The following RANBP2 variants were observed in gnomAD, a reference collection of about 807,000 sequenced individuals.
RANBP2 encodes E3 SUMO-protein ligase RanBP2.
A neutral mutation model predicts 303.6 loss-of-function variants in RANBP2; 57 were observed. The observed-to-expected ratio is 0.19, with a 90% CI of 0.15 to 0.23. RANBP2 has a LOEUF of 0.23. Among genes scored for constraint, RANBP2 ranks in the 10% least tolerant of loss-of-function variants. The probability of loss-of-function intolerance (pLI) is 1.00; values close to 1 mark genes in which losing one functional copy is unlikely to be tolerated. For missense variants in RANBP2, 3,138 were observed against 3,780.8 expected (o/e 0.83, Z 4.46); for synonymous variants, 1,167 against 1,301.5 (o/e 0.90, Z 2.23).
chr2:109,686,101 A>C, the RANBP2 span, among the ~76,000 whole-genome samples: 12 of 152,110 alleles, frequency 7.9e-5, no homozygotes, highest in East Asian at 2.3e-3. Flanking sequence ...TTTAGTTTTT[A>C]GGTGGTTTCG....
the RANBP2 span, among the ~76,000 whole-genome samples, chr2:109,630,978 AC>A: frequency 1.3e-5 from 2 of 152,146 alleles, no homozygotes; most frequent in East Asian, 3.9e-4. Context: ...AGGCAGGAGA[AC>A]CACTTGAACC....
chr2:109,384,596 G>C, the RANBP2 span, among the ~76,000 whole-genome samples: 5 of 152,226 alleles, frequency 3.3e-5, no homozygotes, highest in South Asian at 1.0e-3. Flanking sequence ...TGGGTCTGGG[G>C]TCTCTCTTCC....
chr2:109,265,505 C>G, the RANBP2 span, among the ~76,000 whole-genome samples: 1 of 152,220 alleles, frequency 6.6e-6, no homozygotes, highest in African/African-American at 2.4e-5. Flanking sequence ...CTGCTGCCCA[C>G]CCTTAGGCTG....
the RANBP2 span, among the ~76,000 whole-genome samples, chr2:109,449,997 T>C: frequency 6.6e-6 from 1 of 152,204 alleles, no homozygotes; most frequent in African/African-American, 2.4e-5. Flanking sequence ...AATGCTGACC[T>C]GATGGCTGGT....
chr2:109,066,945 C>A, the RANBP2 span, among the ~76,000 whole-genome samples: 1 of 152,122 alleles, frequency 6.6e-6, no homozygotes, highest in Non-Finnish European at 1.5e-5. Context: ...CCTTTCAACA[C>A]GTTGATACTC....
the RANBP2 span, among the ~76,000 whole-genome samples, chr2:109,452,004 T>C: frequency 6.6e-6 from 1 of 152,262 alleles, no homozygotes; most frequent in African/African-American, 2.4e-5. Context: ...CCACACATTG[T>C]GTGTGCTTTT....
chr2:109,411,332 T>C, the RANBP2 span, among the ~76,000 whole-genome samples: 29 of 152,352 alleles, frequency 1.9e-4, no homozygotes, highest in Non-Finnish European at 1.6e-4. Flanking sequence ...CCCCTTTCCC[T>C]GCAGTTAGTT....
chr2:109,116,143 C>A, the RANBP2 span, among the ~76,000 whole-genome samples: 1 of 152,032 alleles, frequency 6.6e-6, no homozygotes, highest in Non-Finnish European at 1.5e-5. Flanking sequence ...ATCTTTGTGG[C>A]GTTCTCTGTA....
chr2:109,199,597 T>TC, the RANBP2 span, among the ~76,000 whole-genome samples: 9 of 272 alleles, frequency 0.033, no homozygotes, highest in South Asian at 0.25. Context: ...TGGAATGGAA[T>TC]GGAATGGAAT....
At chr2:109,542,911 A>T in the RANBP2 span, 46 of 152,732 alleles carry the variant, frequency 3.0e-4, no homozygotes, top group African/African-American at 1.1e-3. Flanking sequence ...CCTCATCTCC[A>T]AAATAATTCA....
At position 108,765,265 on chromosome 2, in the gene RANBP2, A is replaced by T. The variant is rs74821091; in HGVS notation, c.4726A>T (p.Thr1576Ser). Residue 1576 changes from threonine (T) to serine (S), a missense_variant, in exon 20 of 29, where the codon ACT becomes TCT. This residue lies in a region of RANBP2 where 388 missense variants were observed against 328.5 expected (regional missense o/e 1.18). Transcript: ENST00000283195. The stretch of plus-strand genomic sequence containing the variant: ...GAATCCGGATAAACCAAGTCCATCT[A>T]CTTCTGTTCCAGCTCCTGCCTCTTT... ...CQNPDKPSPS[T>S]SVPAPASFKF... is the part of the protein sequence containing the mutation. 1,380 of 1,614,074 alleles carry T rather than the reference A, an allele frequency of 8.5e-4. 9 individuals are homozygous for T. In the African/African-American group the frequency reaches 0.016, roughly 19 times the overall value.
the RANBP2 span, among the ~76,000 whole-genome samples, chr2:109,702,465 TG>T: frequency 6.6e-6 from 1 of 152,164 alleles, no homozygotes; most frequent in Non-Finnish European, 1.5e-5. Context: ...ACCCACCACC[TG>T]AACTCTGGTC....
chr2:109,329,597 G>A, the RANBP2 span, among the ~76,000 whole-genome samples: 2 of 152,232 alleles, frequency 1.3e-5, no homozygotes, highest in Non-Finnish European at 2.9e-5. Context: ...CTGATGATAA[G>A]TCTGGAGCTG....
chr2:109,035,669 T>C, the RANBP2 span, among the ~76,000 whole-genome samples: 2 of 152,302 alleles, frequency 1.3e-5, no homozygotes, highest in African/African-American at 4.8e-5. Flanking sequence ...AAAAGTCTAG[T>C]GGGCCTAACA....
At chr2:109,527,708 T>G in the RANBP2 span, among the ~76,000 whole-genome samples, 7 of 152,206 alleles carry the variant, frequency 4.6e-5, no homozygotes, top group Admixed American at 1.3e-4. Context: ...ATTTTGCAAC[T>G]GTTTTGTAGG....
chr2:109,631,914 T>C, the RANBP2 span, among the ~76,000 whole-genome samples: 1 of 152,086 alleles, frequency 6.6e-6, no homozygotes, highest in Non-Finnish European at 1.5e-5. Flanking sequence ...GGTGGAACCC[T>C]AGACAGCCTC....
the RANBP2 span, among the ~76,000 whole-genome samples, chr2:109,401,325 C>T: frequency 6.6e-6 from 1 of 152,218 alleles, no homozygotes; most frequent in African/African-American, 2.4e-5. Context: ...AGGGGTACCC[C>T]TAAGAAGAGG....
the RANBP2 span, among the ~76,000 whole-genome samples, chr2:109,500,583 A>G: frequency 1.3e-5 from 2 of 152,150 alleles, no homozygotes; most frequent in South Asian, 2.1e-4. Flanking sequence ...ATTGATGTTG[A>G]TGTTGTGGCC....
At chr2:109,380,180 T>TAG in the RANBP2 span, among the ~76,000 whole-genome samples, 1 of 152,162 alleles carries the variant, frequency 6.6e-6, no homozygotes, top group Admixed American at 6.5e-5. Context: ...CCAGCAAAAA[T>TAG]AGGTAGGTGC....
Sources: gnomAD v4.1 joint callset for allele counts (sites outside exome capture counted in the v4.1 genomes callset) on GRCh38, gnomAD v4.1.1 for gene constraint, gnomAD v4.1.1 regional missense constraint, MANE v1.5 for transcripts, NCBI Gene and HGNC (gene_info 2026-07-23, HGNC 2026-07-21) for gene names.